CMIP: variants seen among roughly 807,000 people sequenced by gnomAD.
The protein encoded by CMIP is c-Maf inducing protein.
Under a neutral mutation model 97.3 loss-of-function variants are expected in CMIP, and 13 were observed. The observed-to-expected ratio is 0.13, with a 90% CI of 0.09 to 0.21. CMIP has a LOEUF of 0.21. Among genes scored for constraint, CMIP ranks in the 10% least tolerant of loss-of-function variants. The probability of loss-of-function intolerance (pLI) is 1.00; values close to 1 mark genes in which losing one functional copy is unlikely to be tolerated. For synonymous variants in CMIP, 538 were observed against 436.3 expected (o/e 1.23, Z -2.91); for missense variants, 847 against 1,024.9 (o/e 0.83, Z 2.37).
intron 9 of CMIP, among the ~76,000 whole-genome samples, chr16:81,672,445 G>C (rs1010962135): frequency 6.6e-6 from 1 of 152,244 alleles, no homozygotes; most frequent in African/African-American, 2.4e-5. Flanking sequence ...ACATGTGACT[G>C]TGTGTACGTG....
chr16:81,696,831 C>T, intron 14 of CMIP, 164 bp downstream of exon 14: 8 of 652,322 alleles, frequency 1.2e-5, no homozygotes, highest in East Asian at 2.8e-5. Context: ...TGATGGTGAC[C>T]GTGACTGTCA....
intron 3 of CMIP, among the ~76,000 whole-genome samples, chr16:81,622,808 T>C (rs2092010268): frequency 6.6e-6 from 1 of 152,210 alleles, no homozygotes; most frequent in South Asian, 2.1e-4. Context: ...TCTGTGAGTA[T>C]TGCACAGCTG....
chr16:81,619,929 G>C (rs1257715964), intron 2 of CMIP: 1 of 152,278 alleles, frequency 6.6e-6, no homozygotes, highest in African/African-American at 2.4e-5. Context: ...GACCGAGAAA[G>C]GAGGTGAGAG....
rs562199476 is a variant in CMIP, at chr16:81,490,738, C to G, written c.300+45197C>G. The stretch of plus-strand genomic sequence containing the variant: ...TGGCCAGTCCTCTACCAGGCTAACA[C>G]TTGATGTGAAACTTTAAGGAGGGTG... On this transcript the variant is annotated intron_variant, in intron 1 of 20. Coordinates refer to ENST00000537098, the MANE Select transcript of CMIP (RefSeq NM_198390.3). Among the ~76,000 whole-genome samples, 130 of 152,256 alleles carry G rather than the reference C, an allele frequency of 8.5e-4. 1 individual carries two copies. The highest frequency in any genetic ancestry group is 3.0e-3 in the African/African-American group (124 of 41,554).
intron 1 of CMIP, among the ~76,000 whole-genome samples, chr16:81,458,995 T>TGTCACCATCACC (rs1567526304): frequency 1.3e-5 from 2 of 151,808 alleles, no homozygotes; most frequent in Non-Finnish European, 2.9e-5. Context: ...TCACCATCAC[T>TGTCACCATCACC]GTCACCATCA....
intron 9 of CMIP, among the ~76,000 whole-genome samples, chr16:81,673,374 C>T (rs919546988): frequency 2.6e-5 from 4 of 152,016 alleles, no homozygotes; most frequent in African/African-American, 7.3e-5. Context: ...AAAAATTAGC[C>T]GGGCATGGTG....
At chr16:81,699,822 C>A (rs1246104315) in intron 15 of CMIP, 21 bp downstream of exon 15, 1 of 1,547,882 alleles carries the variant, frequency 6.5e-7, no homozygotes, top group Non-Finnish European at 8.9e-7. Flanking sequence ...GGTCGGGGTC[C>A]CTGGTGGGGT....
intron 1 of CMIP, among the ~76,000 whole-genome samples, chr16:81,570,804 C>T (rs2091074355): frequency 6.6e-6 from 1 of 152,124 alleles, no homozygotes; most frequent in South Asian, 2.1e-4. Flanking sequence ...GTCGTTAGTC[C>T]TCCACCAAGG....
At chr16:81,672,144 C>A (rs1209038863) in intron 9 of CMIP, 74 bp downstream of exon 9, 1 of 862,834 alleles carries the variant, frequency 1.2e-6, no homozygotes, top group Non-Finnish European at 1.9e-6. Flanking sequence ...GGCAAAGTCA[C>A]CAAGAACTGA....
intron 1 of CMIP, among the ~76,000 whole-genome samples, chr16:81,492,177 G>A (rs2089416707): frequency 6.6e-6 from 1 of 152,200 alleles, no homozygotes; most frequent in African/African-American, 2.4e-5. Flanking sequence ...TTTGGATATC[G>A]ATGAGGCTCT....
intron 15 of CMIP, among the ~76,000 whole-genome samples, chr16:81,701,381 G>C (rs1907382893): frequency 1.3e-5 from 2 of 152,196 alleles, no homozygotes. Flanking sequence ...TCCCCCGGGG[G>C]CCTGCCCCAT....
chr16:81,569,667 G>A (rs1396202107), intron 1 of CMIP, among the ~76,000 whole-genome samples: 1 of 152,206 alleles, frequency 6.6e-6, no homozygotes, highest in African/African-American at 2.4e-5. Context: ...CTTACACTAT[G>A]GCCAAAGTGA....
Position 81,445,343 on chromosome 16 carries a change from G to C in CMIP, c.102G>C (p.Lys34Asn), listed in dbSNP as rs750318286. The C allele has an allele frequency of 8.8e-6, 14 of 1,598,912 alleles. No homozygotes were observed. The highest frequency in any genetic ancestry group is 2.3e-5 in the South Asian group (2 of 88,840). Residue 34 changes from lysine (K) to asparagine (N), a missense_variant, in exon 1 of 21, where the codon AAG becomes AAC. Around this residue, in one of 4 missense-constraint regions of CMIP, gnomAD observed 94 missense variants for 79.9 expected, o/e 1.18. Transcript: ENST00000537098. The stretch of plus-strand genomic sequence containing the variant: ...ACGTGTCGGCCCCCGAAGGCACGAA[G>C]ATGGGCGCCGTGCCCTGCCGCCGGG... ...GGDVSAPEGTKMGAVPCRRAL... is the reference protein window; with the variant it reads ...GGDVSAPEGTNMGAVPCRRAL...
chr16:81,658,180 G>C (rs905119574), intron 5 of CMIP, among the ~76,000 whole-genome samples: 2 of 152,190 alleles, frequency 1.3e-5, no homozygotes, highest in African/African-American at 2.4e-5. Context: ...CTTGCCCCAG[G>C]ACATGTCTCC....
In CMIP at chr16:81,656,650, C is replaced by G. The variant is rs762733429; in HGVS notation, c.640-1125C>G. Among the ~76,000 whole-genome samples, 162 of 152,192 alleles carry G rather than the reference C, an allele frequency of 1.1e-3. 1 individual carries two copies. The highest frequency in any genetic ancestry group is 2.0e-3 in the Non-Finnish European group (139 of 68,036). ...GAAATGCTCCAAAGTCCAAAACTTTCTTTTTTAGAGACAGTCTCGCTCTGT... is the reference window on the plus strand; with the variant it reads ...GAAATGCTCCAAAGTCCAAAACTTTGTTTTTTAGAGACAGTCTCGCTCTGT... On this transcript the variant is annotated intron_variant, in intron 4 of 20. Transcript: ENST00000537098.
intron 1 of CMIP, among the ~76,000 whole-genome samples, chr16:81,560,969 T>A (rs2317415): frequency 6.6e-6 from 1 of 152,112 alleles, no homozygotes; most frequent in African/African-American, 2.4e-5. Flanking sequence ...ATGACTTTTT[T>A]TTCTTTTTGG....
At chr16:81,688,216 G>A (rs914439956) in intron 10 of CMIP, among the ~76,000 whole-genome samples, 1 of 151,508 alleles carries the variant, frequency 6.6e-6, no homozygotes, top group African/African-American at 2.4e-5. Flanking sequence ...AGATGACTCG[G>A]AGTGGGTAAC....
chr16:81,605,579 C>T (rs1181859953), intron 1 of CMIP, among the ~76,000 whole-genome samples: 1 of 152,232 alleles, frequency 6.6e-6, no homozygotes. Flanking sequence ...CCACCCTTCT[C>T]TCCAACGCAT....
intron 1 of CMIP, among the ~76,000 whole-genome samples, chr16:81,486,195 C>G (rs2089311217): frequency 6.6e-6 from 1 of 152,232 alleles, no homozygotes; most frequent in Non-Finnish European, 1.5e-5. Context: ...GGAGGCTTTT[C>G]CATCACAGCC....
Sources: gnomAD v4.1 joint callset for allele counts (sites outside exome capture counted in the v4.1 genomes callset) on GRCh38, gnomAD v4.1.1 for gene constraint, gnomAD v4.1.1 regional missense constraint, MANE v1.5 for transcripts, NCBI Gene and HGNC (gene_info 2026-07-23, HGNC 2026-07-21) for gene names.